The following RGS22 variants were observed in gnomAD, a reference collection of about 807,000 sequenced individuals.
RGS22 encodes the protein regulator of G-protein signaling 22.
In RGS22, 148 loss-of-function variants were observed where a neutral mutation model predicts 172.9. That is an observed-to-expected ratio of 0.86 (90% CI 0.75 to 0.98). The LOEUF (loss-of-function observed/expected upper bound fraction) is 0.98, where lower values mean the gene tolerates loss of function less well. Ranked by LOEUF, RGS22 falls within the 50% of genes least tolerant of loss-of-function variation. The pLI is 0.00. For synonymous variants in RGS22, 458 were observed against 480.2 expected, an observed-to-expected ratio of 0.95 and a Z score of 0.60; for missense variants, 1,347 against 1,440.8, an observed-to-expected ratio of 0.93 and a Z score of 1.05.
At chr8:100,022,464 A>C (rs1313982569) in intron 14 of RGS22, among the ~76,000 whole-genome samples, 1 of 152,210 alleles carries the variant, frequency 6.6e-6, no homozygotes, top group Non-Finnish European at 1.5e-5. Flanking sequence ...TTTTTAAGAT[A>C]GATTTGGGTC....
chr8:100,087,392 G>A (rs1387035541), intron 3 of RGS22, among the ~76,000 whole-genome samples: 2 of 152,082 alleles, frequency 1.3e-5, no homozygotes, highest in Non-Finnish European at 2.9e-5. Context: ...GGTGGTGAAA[G>A]CTAACTTTGT....
rs764189994 is a variant in RGS22 at position 100,065,284 on chromosome 8, C to T, written c.724+883G>A. The stretch of plus-strand genomic sequence containing the variant: ...ACTGAAGGGAGGATGTCGCACAGAG[C>T]GAGGCAGGCATTCCAGCTCACCATC... On this transcript the variant is annotated intron_variant, in intron 7 of 27. Coordinates refer to ENST00000360863, the MANE Select transcript of RGS22 (RefSeq NM_015668.5). Among the ~76,000 whole-genome samples the T allele has an allele frequency of 9.9e-5, 15 of 152,170 alleles. 1 individual carries two copies. Among genetic ancestry groups the T allele is most frequent in the Non-Finnish European group, 1.6e-4 (11 of 68,020 alleles).
intron 23 of RGS22, among the ~76,000 whole-genome samples, chr8:99,976,132 A>G (rs984832560): frequency 6.6e-6 from 1 of 152,050 alleles, no homozygotes; most frequent in African/African-American, 2.4e-5. Flanking sequence ...AGAGGTTGCA[A>G]TGAGCTGAGA....
intron 20 of RGS22, among the ~76,000 whole-genome samples, chr8:99,993,713 C>T (rs769771881): frequency 2.6e-5 from 4 of 151,996 alleles, no homozygotes; most frequent in South Asian, 2.1e-4. Flanking sequence ...CCATTCCTTC[C>T]GAAACTATTC....
intron 10 of RGS22, among the ~76,000 whole-genome samples, chr8:100,050,640 T>C (rs973152099): frequency 7.2e-5 from 11 of 152,220 alleles, no homozygotes; most frequent in African/African-American, 2.4e-4. Context: ...ATAAGGCTCT[T>C]TACTTCTGAA....
At chr8:100,045,488 A>T (rs1820619094) in intron 11 of RGS22, among the ~76,000 whole-genome samples, 1 of 152,174 alleles carries the variant, frequency 6.6e-6, no homozygotes, top group Non-Finnish European at 1.5e-5. Context: ...CAGATTTTTT[A>T]AAAGTTCAAC....
At chr8:100,029,702 C>CAAAAAAAAAAAAAAA (rs369058108) in intron 14 of RGS22, among the ~76,000 whole-genome samples, 1 of 62,016 alleles carries the variant, frequency 1.6e-5, no homozygotes, top group Non-Finnish European at 3.4e-5. Context: ...AACTCCGTCT[C>CAAAAAAAAAAAAAAA]AAAAAAAAAA....
intron 4 of RGS22, among the ~76,000 whole-genome samples, chr8:100,079,871 CTT>C (rs539786559): frequency 1.8e-4 from 27 of 152,086 alleles, no homozygotes; most frequent in Non-Finnish European, 2.6e-4. Context: ...ATAAAGGACA[CTT>C]ATATTTATAT....
At chr8:99,962,279 T>C in intron 27 of RGS22, 115 bp downstream of exon 27, 2 of 680,036 alleles carry the variant, frequency 2.9e-6, no homozygotes, top group African/African-American at 3.6e-5. Context: ...CATCGACTTA[T>C]TAGTGGGACA....
intron 10 of RGS22, among the ~76,000 whole-genome samples, chr8:100,051,618 CATATATAAATATATATTTATATAT>C (rs1256022320): frequency 0.025 from 375 of 14,716 alleles, 165 homozygotes; most frequent in Non-Finnish European, 0.038. Context: ...TATGTTTATA[CATATATAAATATATATTTATATAT>C]GTTTATACAT....
chr8:100,049,916 G>C (rs1821101460), intron 10 of RGS22, among the ~76,000 whole-genome samples: 3 of 152,024 alleles, frequency 2.0e-5, no homozygotes, highest in Admixed American at 6.6e-5. Context: ...AGGCGTGGTG[G>C]TGGGTGCCTG....
chr8:100,018,197 T>C (rs1160290036), intron 14 of RGS22, among the ~76,000 whole-genome samples: 1 of 145,326 alleles, frequency 6.9e-6, no homozygotes, highest in Non-Finnish European at 1.5e-5. Context: ...TGACTCACTT[T>C]CTTGGCATCT....
At chr8:99,997,029 A>G (rs1262592864) in intron 19 of RGS22, among the ~76,000 whole-genome samples, 1 of 152,200 alleles carries the variant, frequency 6.6e-6, no homozygotes, top group Non-Finnish European at 1.5e-5. Context: ...TAGATCCAGA[A>G]GCAGATCTAG....
chr8:100,096,715 C>T (rs185837469), intron 2 of RGS22, among the ~76,000 whole-genome samples: 99 of 145,688 alleles, frequency 6.8e-4, no homozygotes, highest in African/African-American at 2.2e-3. Context: ...CACTATATTG[C>T]CTATGCTGGT....
intron 21 of RGS22, among the ~76,000 whole-genome samples, chr8:99,985,370 T>C (rs1812974238): frequency 6.6e-6 from 1 of 152,204 alleles, no homozygotes. Flanking sequence ...TTTATCAAAG[T>C]GGAATAAATG....
chr8:99,983,438 C>A (rs1323595341), intron 21 of RGS22, among the ~76,000 whole-genome samples: 1 of 152,108 alleles, frequency 6.6e-6, no homozygotes, highest in East Asian at 1.9e-4. Flanking sequence ...GCAAGTGCCC[C>A]CTTTTCTCTG....
At position 99,996,514 on chromosome 8, in the gene RGS22, A is replaced by C. The variant is rs761164580; in HGVS notation, c.2966T>G (p.Ile989Arg). The change falls in exon 20 of 28, where the codon ATA becomes AGA. Residue 989 changes from isoleucine (I) to arginine (R), a missense_variant. Ile to Arg is a moderately conservative substitution (Grantham distance 97, BLOSUM62 -3). Coordinates refer to ENST00000360863, the MANE Select transcript of RGS22 (RefSeq NM_015668.5). ...CTTCTGTAGTAAGAGCTCTTCTGCT[A>C]TGTCTTTCATCTGTACCTGAAAGCA... ...RQKIKVQMKD[I>R]AEELLLQKAE... is the part of the protein sequence containing the mutation. 6.2e-7 allele frequency: 1 copy of C among 1,613,446 alleles called. No homozygotes were observed. Among genetic ancestry groups the C allele is most frequent in the East Asian group, 2.2e-5 (1 of 44,808 alleles).
intron 23 of RGS22, among the ~76,000 whole-genome samples, chr8:99,965,857 A>G (rs1351939070): frequency 6.6e-6 from 1 of 152,200 alleles, no homozygotes; most frequent in Non-Finnish European, 1.5e-5. Context: ...TTCATGTAGA[A>G]TATGTTGTGA....
intron 16 of RGS22, chr8:100,004,744 T>C (rs556021054): frequency 7.9e-5 from 12 of 151,534 alleles, no homozygotes; most frequent in Non-Finnish European, 1.5e-4. Context: ...TATTCTTTTA[T>C]AACATAATTT....
Sources: gnomAD v4.1 joint callset for allele counts (sites outside exome capture counted in the v4.1 genomes callset) on GRCh38, gnomAD v4.1.1 for gene constraint, MANE v1.5 for transcripts, NCBI Gene and HGNC (gene_info 2026-07-23, HGNC 2026-07-21) for gene names.